ADGRL3: variants seen among roughly 807,000 people sequenced by gnomAD.
ADGRL3 encodes the protein adhesion G protein-coupled receptor L3, also known as calcium-independent alpha-latrotoxin receptor 3.
In ADGRL3, 62 loss-of-function variants were observed where a neutral mutation model predicts 153.5. The ratio of observed to expected loss-of-function variants is 0.40; its 90% CI spans 0.33 to 0.50. The LOEUF (loss-of-function observed/expected upper bound fraction) is 0.50. Ranked by LOEUF, ADGRL3 falls within the 20% of genes least tolerant of loss-of-function variation. The pLI, the probability that ADGRL3 is intolerant of heterozygous loss-of-function variation, is 0.47. For synonymous variants in ADGRL3, 710 were observed against 672.5 expected, an observed-to-expected ratio of 1.06 and a Z score of -0.86; for missense variants, 1,641 against 1,859.4, an observed-to-expected ratio of 0.88 and a Z score of 2.16.
At chr4:61,824,397 A>G (rs1581012264) in intron 9 of ADGRL3, among the ~76,000 whole-genome samples, 2 of 152,358 alleles carry the variant, frequency 1.3e-5, no homozygotes, top group East Asian at 1.9e-4. Flanking sequence ...TACAAATTGT[A>G]TACAAGTTAA....
At chr4:62,021,096 C>T (rs2099235941) in intron 21 of ADGRL3, among the ~76,000 whole-genome samples, 1 of 151,912 alleles carries the variant, frequency 6.6e-6, no homozygotes, top group African/African-American at 2.4e-5. Flanking sequence ...TAAAAAAAAA[C>T]CTAATACAGA....
At chr4:61,499,626 A>G (rs1579199036) in intron 3 of ADGRL3, among the ~76,000 whole-genome samples, 1 of 152,178 alleles carries the variant, frequency 6.6e-6, no homozygotes, top group Non-Finnish European at 1.5e-5. Flanking sequence ...TCATCATATA[A>G]TCTATCCCTC....
At chr4:61,641,547 T>C (rs2093673531) in intron 5 of ADGRL3, among the ~76,000 whole-genome samples, 1 of 151,472 alleles carries the variant, frequency 6.6e-6, no homozygotes, top group African/African-American at 2.4e-5. Context: ...TTTGGTTTTT[T>C]GTTCTTGCGA....
chr4:61,918,216 A>T (rs549177865), intron 13 of ADGRL3, among the ~76,000 whole-genome samples: 87 of 152,302 alleles, frequency 5.7e-4, no homozygotes, highest in African/African-American at 2.0e-3. Context: ...AGTTGAAATG[A>T]CAGAATGCTT....
chr4:61,804,090 A>T (rs1423896120), intron 8 of ADGRL3, among the ~76,000 whole-genome samples: 4 of 152,194 alleles, frequency 2.6e-5, no homozygotes, highest in Non-Finnish European at 1.5e-5. Flanking sequence ...CTATACAATG[A>T]TATATTTTAA....
intron 19 of ADGRL3, among the ~76,000 whole-genome samples, chr4:61,994,678 C>A (rs2099115650): frequency 6.6e-6 from 1 of 151,950 alleles, no homozygotes; most frequent in Non-Finnish European, 1.5e-5. Context: ...ATGGCTAAAG[C>A]CCATTTTGTT....
At chr4:61,347,548 AC>A (rs959618929) in intron 1 of ADGRL3, among the ~76,000 whole-genome samples, 4 of 151,956 alleles carry the variant, frequency 2.6e-5, no homozygotes, top group African/African-American at 7.2e-5. Context: ...GCCTACGTTA[AC>A]CCCCCTTCCC....
chr4:62,025,598 C>T (rs761917455), intron 21 of ADGRL3, among the ~76,000 whole-genome samples: 1 of 151,962 alleles, frequency 6.6e-6, no homozygotes, highest in African/African-American at 2.4e-5. Context: ...TTGGAGGCCT[C>T]GTTGTTGATT....
intron 4 of ADGRL3, chr4:61,583,756 T>G (rs2149314953): frequency 1.9e-6 from 1 of 517,926 alleles, no homozygotes; most frequent in African/African-American, 1.9e-5. Flanking sequence ...TCTAAAACTT[T>G]TCCAATTTAT....
In ADGRL3 at chr4:62,006,029, TATA is replaced by T. The variant is rs1418156972; in HGVS notation, c.3395+7765_3395+7767del. ...ATATATATATATATATATATATATA[TATA>T]TTTTTTTTTTTTTTTGAGAAAGGGT... is the stretch of plus-strand genomic sequence containing the variant. On this transcript the variant is annotated intron_variant, in intron 21 of 26. Transcript: ENST00000683033. Among the ~76,000 whole-genome samples, 96 of 86,002 alleles carry T rather than the reference TATA, an allele frequency of 1.1e-3. 2 individuals are homozygous for T. The highest frequency in any genetic ancestry group is 2.2e-3 in the African/African-American group (52 of 23,286). The allele number at this position is 86,002 out of a possible 152,430, so 56.4% of individuals were successfully genotyped here.
At chr4:61,395,592 T>C (rs1266263297) in intron 2 of ADGRL3, among the ~76,000 whole-genome samples, 1 of 152,000 alleles carries the variant, frequency 6.6e-6, no homozygotes, top group African/African-American at 2.4e-5. Context: ...ATACTCACTA[T>C]TATATGTTAA....
rs201400601 is a variant in ADGRL3, at chr4:61,798,590, A to ATTTG, written c.1400-15211_1400-15208dup. Among the ~76,000 whole-genome samples, 1,017 of 150,242 alleles carry ATTTG rather than the reference A, an allele frequency of 6.8e-3. 10 individuals are homozygous for ATTTG. Among genetic ancestry groups the ATTTG allele is most frequent in the African/African-American group, 0.024 (953 of 40,264 alleles). ...GAACCAAGGAAAGTAGGACTCATTTATTTGTTTGTTTATTTATTTATTTAT... is the reference window on the plus strand; with the variant it reads ...GAACCAAGGAAAGTAGGACTCATTTATTTGTTTGTTTGTTTATTTATTTATTTAT... On this transcript the variant is annotated intron_variant, in intron 8 of 26. Coordinates refer to ENST00000683033, the MANE Select transcript of ADGRL3 (RefSeq NM_001387552.1).
chr4:61,339,532 G>A (rs1049149516), intron 1 of ADGRL3, among the ~76,000 whole-genome samples: 3 of 152,072 alleles, frequency 2.0e-5, no homozygotes, highest in Admixed American at 6.6e-5. Context: ...TATTAAATTA[G>A]GATGCATTAA....
intron 1 of ADGRL3, among the ~76,000 whole-genome samples, chr4:61,266,475 A>T (rs1202480568): frequency 6.6e-6 from 1 of 151,822 alleles, no homozygotes; most frequent in East Asian, 1.9e-4. Flanking sequence ...CATCACTTCT[A>T]TTGAAAAAAG....
intron 5 of ADGRL3, among the ~76,000 whole-genome samples, chr4:61,644,529 T>G (rs2093864498): frequency 6.6e-6 from 1 of 152,228 alleles, no homozygotes; most frequent in Non-Finnish European, 1.5e-5. Flanking sequence ...ATTTCTGCCT[T>G]CATTTCTTTA....
intron 2 of ADGRL3, among the ~76,000 whole-genome samples, chr4:61,437,052 C>T (rs545586337): frequency 1.3e-5 from 2 of 151,980 alleles, no homozygotes; most frequent in South Asian, 4.1e-4. Flanking sequence ...ATAAATAATA[C>T]TGAGTTATAT....
intron 2 of ADGRL3, among the ~76,000 whole-genome samples, chr4:61,392,808 T>A (rs887664251): frequency 1.4e-4 from 21 of 150,490 alleles, no homozygotes; most frequent in African/African-American, 5.1e-4. Context: ...CCTCTCAGAT[T>A]AAATACACCA....
At chr4:61,931,247 A>T (rs1420429620) in intron 13 of ADGRL3, among the ~76,000 whole-genome samples, 2 of 152,162 alleles carry the variant, frequency 1.3e-5, no homozygotes, top group Non-Finnish European at 2.9e-5. Context: ...GTAGTTGTGT[A>T]AGAGACCAAA....
intron 2 of ADGRL3, among the ~76,000 whole-genome samples, chr4:61,434,893 T>C (rs1037635208): frequency 1.3e-5 from 2 of 152,094 alleles, no homozygotes; most frequent in Non-Finnish European, 2.9e-5. Context: ...TGAAACAAAA[T>C]GGCTTTGCAA....
Sources: allele counts gnomAD v4.1 joint callset (sites outside exome capture counted in the v4.1 genomes callset), GRCh38; gene constraint gnomAD v4.1.1; transcripts MANE v1.5; gene names NCBI Gene and HGNC (gene_info 2026-07-23, HGNC 2026-07-21).